ZNF423: variants seen among roughly 807,000 people sequenced by gnomAD.
The protein encoded by ZNF423 is Ebf-associated zinc finger protein.
ZNF423 carries 12 observed loss-of-function variants against 95.8 expected under a neutral mutation model. The ratio of observed to expected loss-of-function variants is 0.13; its 90% CI spans 0.08 to 0.20. The LOEUF (loss-of-function observed/expected upper bound fraction) is 0.20, where lower values mean the gene tolerates loss of function less well. Among genes scored for constraint, ZNF423 ranks in the 10% least tolerant of loss-of-function variants. The pLI is 1.00. For synonymous variants in ZNF423, 749 were observed against 711.9 expected (o/e 1.05, Z -0.83); for missense variants, 1,316 against 1,737.1 (o/e 0.76, Z 4.31).
chr16:49,778,419 C>T (rs2034156259), intron 2 of ZNF423, among the ~76,000 whole-genome samples: 1 of 152,232 alleles, frequency 6.6e-6, no homozygotes, highest in Non-Finnish European at 1.5e-5. Context: ...TCCTAATGGG[C>T]ACTGGCCCAT....
At chr16:49,858,705 G>T (rs1422747680), upstream of ZNF423, among the ~76,000 whole-genome samples, 1 of 129,294 alleles carries the variant, frequency 7.7e-6, no homozygotes, top group African/African-American at 2.9e-5. This position sits in a 1 kb window ranked among gnomAD's most constrained non-coding sequence, Gnocchi z 4.3. Context: ...GGCCTTCCCG[G>T]AGGGAATAGG....
chr16:49,541,704 A>T (rs1291003902), intron 5 of ZNF423, among the ~76,000 whole-genome samples: 7 of 152,158 alleles, frequency 4.6e-5, no homozygotes, highest in Admixed American at 4.6e-4. Flanking sequence ...AGGTGGAGAT[A>T]ATTGAATCAT....
At position 49,513,395 on chromosome 16, in the gene ZNF423, T is replaced by C. The variant is rs1967977619; in HGVS notation, c.3849+10229A>G. The stretch of plus-strand genomic sequence containing the variant: ...CAGCCAGAGTCAAATGCTAAGTATG[T>C]GCCTAGAGCACTTTTGATTTTTAAT... On this transcript the variant is annotated intron_variant, in intron 7 of 7. Transcript: ENST00000563137. 2.6e-5 allele frequency among the ~76,000 whole-genome samples: 4 copies of C among 152,244 alleles called. No homozygotes were observed. In the South Asian group the frequency reaches 8.3e-4, roughly 32 times the overall value.
intron 1 of ZNF423, among the ~76,000 whole-genome samples, chr16:49,815,879 AAAATATATATATATATATAT>A (rs1345777580): frequency 6.7e-5 from 4 of 59,616 alleles, no homozygotes; most frequent in African/African-American, 1.5e-4. Context: ...ACAAAAAAAA[AAAATATATATATATATATAT>A]ATATATATAT....
intron 5 of ZNF423, among the ~76,000 whole-genome samples, chr16:49,620,156 C>A (rs1463644754): frequency 6.6e-6 from 1 of 151,516 alleles, no homozygotes; most frequent in Non-Finnish European, 1.5e-5. Context: ...CACACACACA[C>A]ACACACCACA....
intron 7 of ZNF423, 94 bp from the exon 8 acceptor site, chr16:49,491,398 A>G (rs1234994546): frequency 6.7e-7 from 1 of 1,490,366 alleles, no homozygotes; most frequent in African/African-American, 1.4e-5. Context: ...GGAGCCGCAG[A>G]AAAGCGTCTC....
At chr16:49,520,484 C>G (rs1172320475) in intron 7 of ZNF423, among the ~76,000 whole-genome samples, 1 of 152,208 alleles carries the variant, frequency 6.6e-6, no homozygotes, top group Non-Finnish European at 1.5e-5. Flanking sequence ...AGTTCTACCT[C>G]CTAAACTTCT....
chr16:49,639,442 T>G (rs762641531), intron 3 of ZNF423, among the ~76,000 whole-genome samples: 1 of 152,210 alleles, frequency 6.6e-6, no homozygotes, highest in Non-Finnish European at 1.5e-5. Context: ...AGCTGGAAGC[T>G]GCTGCTTCAG....
intron 2 of ZNF423, among the ~76,000 whole-genome samples, chr16:49,751,920 ACC>A (rs1171007105): frequency 6.6e-6 from 1 of 151,996 alleles, no homozygotes; most frequent in Non-Finnish European, 1.5e-5. Flanking sequence ...TCAAACTCCC[ACC>A]CAGGCAGGAC....
At chr16:49,779,751 G>A (rs2034178425) in intron 2 of ZNF423, among the ~76,000 whole-genome samples, 1 of 152,124 alleles carries the variant, frequency 6.6e-6, no homozygotes, top group Middle Eastern at 3.2e-3. Context: ...GGATCCTTGG[G>A]GACCTAGGAA....
chr16:49,789,625 AG>A, intron 1 of ZNF423, 79 bp from the exon 2 acceptor site: 1 of 1,438,774 alleles, frequency 7.0e-7, no homozygotes, highest in South Asian at 1.3e-5. Flanking sequence ...GCGAGGAAGA[AG>A]GAACATTTGT....
At chr16:49,587,326 G>A (rs960739896) in intron 5 of ZNF423, among the ~76,000 whole-genome samples, 4 of 152,204 alleles carry the variant, frequency 2.6e-5, no homozygotes, top group Admixed American at 1.3e-4. Context: ...TGCATTTGGC[G>A]AATGTTCGAG....
intron 3 of ZNF423, among the ~76,000 whole-genome samples, chr16:49,690,685 G>C (rs1262970553): frequency 6.6e-6 from 1 of 152,198 alleles, no homozygotes; most frequent in African/African-American, 2.4e-5. Flanking sequence ...GTACCACTGG[G>C]TTACCATTGG....
chr16:49,700,233 G>GAAAAAA (rs1280582066), intron 3 of ZNF423, among the ~76,000 whole-genome samples: 2 of 140,884 alleles, frequency 1.4e-5, no homozygotes, highest in African/African-American at 5.4e-5. Flanking sequence ...AGAAGAAGAA[G>GAAAAAA]AAAAAAAGAA....
At chr16:49,666,741 G>A (rs2030566149) in intron 3 of ZNF423, among the ~76,000 whole-genome samples, 1 of 152,218 alleles carries the variant, frequency 6.6e-6, no homozygotes, top group African/African-American at 2.4e-5. Flanking sequence ...GCCGCTGGGT[G>A]CACACCTGAG....
chr16:49,765,544 CCACACA>C (rs59923016), intron 2 of ZNF423, among the ~76,000 whole-genome samples: 1 of 149,298 alleles, frequency 6.7e-6, no homozygotes, highest in Admixed American at 6.7e-5. Context: ...GACCTCATCT[CCACACA>C]CACACACACA....
At chr16:49,789,393 A>G (rs531247015) in intron 2 of ZNF423, 94 bp downstream of exon 2, 21 of 1,265,734 alleles carry the variant, frequency 1.7e-5, no homozygotes, top group Non-Finnish European at 2.2e-5. Flanking sequence ...GACACGAAGA[A>G]TATCATTTCC....
intron 7 of ZNF423, among the ~76,000 whole-genome samples, chr16:49,498,986 TGGC>T (rs1230473245): frequency 6.6e-6 from 1 of 152,202 alleles, no homozygotes; most frequent in East Asian, 1.9e-4. Context: ...GAGTGAGTGA[TGGC>T]CAAGGTTCCC....
intron 7 of ZNF423, among the ~76,000 whole-genome samples, chr16:49,520,958 A>G (rs1968372215): frequency 6.6e-6 from 1 of 152,230 alleles, no homozygotes; most frequent in Non-Finnish European, 1.5e-5. Context: ...TTAAGGCTGT[A>G]ATTTAGCGGT....
Sources: gnomAD v4.1 joint callset for allele counts (sites outside exome capture counted in the v4.1 genomes callset) on GRCh38, gnomAD v4.1.1 for gene constraint, Gnocchi (gnomAD v3.1) non-coding constraint, MANE v1.5 for transcripts, NCBI Gene and HGNC (gene_info 2026-07-23, HGNC 2026-07-21) for gene names.